The following LRBA variants were observed in gnomAD, a reference collection of about 807,000 sequenced individuals.
LRBA encodes the protein LPS responsive beige-like anchor protein.
A neutral mutation model predicts 330.0 loss-of-function variants in LRBA; 176 were observed. The ratio of observed to expected loss-of-function variants is 0.53; its 90% CI spans 0.47 to 0.60. The LOEUF is 0.60. Among genes scored for constraint, LRBA ranks in the 20% least tolerant of loss-of-function variants. The probability of loss-of-function intolerance (pLI) is 0.00; values close to 1 mark genes in which losing one functional copy is unlikely to be tolerated. For synonymous variants in LRBA, 1,230 were observed against 1,193.0 expected (o/e 1.03, Z -0.64); for missense variants, 3,259 against 3,444.8 (o/e 0.95, Z 1.35).
At chr4:150,998,045 T>C (rs1263780997) in intron 2 of LRBA, among the ~76,000 whole-genome samples, 1 of 152,062 alleles carries the variant, frequency 6.6e-6, no homozygotes, top group African/African-American at 2.4e-5. Context: ...CTCTTTTTTT[T>C]TTCTTTTTTA....
At chr4:150,968,110 T>C (rs1324380072) in intron 2 of LRBA, among the ~76,000 whole-genome samples, 1 of 151,494 alleles carries the variant, frequency 6.6e-6, no homozygotes, top group East Asian at 1.9e-4. Flanking sequence ...GTTCAAGCGA[T>C]TCTCCTGCCT....
At position 150,896,404 on chromosome 4, in the gene LRBA, G is replaced by C; in HGVS notation, c.2057C>G (p.Thr686Ser). The change falls in exon 16 of 57, where the codon ACT becomes AGT. Residue 686 changes from threonine to serine, a missense_variant. Coordinates refer to ENST00000651943, the MANE Select transcript of LRBA (RefSeq NM_001364905.1). ...AAATTCATATATTACCTCATGCATA[G>C]TCAGTAGGTAATTAAGAATGGCCTG... ...ELQAILNYLL[T>S]MHEDDNLMDV... 6.6e-7 allele frequency: 1 copy of C among 1,522,728 alleles called. No homozygotes were observed. Among genetic ancestry groups the C allele is most frequent in the Non-Finnish European group, 9.0e-7 (1 of 1,106,366 alleles). The allele number at this position is 1,522,728 out of a possible 1,614,324, so 94.3% of individuals were successfully genotyped here.
intron 47 of LRBA, among the ~76,000 whole-genome samples, chr4:150,387,723 A>G (rs1409966141): frequency 2.0e-5 from 3 of 152,212 alleles, no homozygotes; most frequent in Non-Finnish European, 1.5e-5. Context: ...TAAGGGATGT[A>G]AAATTTAAGA....
rs77445436 is a variant in LRBA at position 150,590,904 on chromosome 4, G to T, written c.6047-45C>A. 26 of 1,596,944 alleles carry T rather than the reference G, an allele frequency of 1.6e-5. No homozygotes were observed. In the African/African-American group the frequency reaches 2.6e-4, roughly 16 times the overall value. On this transcript the variant is annotated intron_variant, in intron 38 of 56. Transcript: ENST00000651943. Reference sequence around the variant, plus strand: ...AAGCTGTCCATCAGTTCTGGGAAGAGCACTTCGGCAGAGGGGTAGGGGCTT... The same window carrying T: ...AAGCTGTCCATCAGTTCTGGGAAGATCACTTCGGCAGAGGGGTAGGGGCTT...
At chr4:150,851,622 C>T (rs941606279) in intron 23 of LRBA, among the ~76,000 whole-genome samples, 1 of 152,084 alleles carries the variant, frequency 6.6e-6, no homozygotes, top group African/African-American at 2.4e-5. Context: ...GTTTTATAAA[C>T]TAAAATTATA....
intron 40 of LRBA, among the ~76,000 whole-genome samples, chr4:150,560,563 G>T (rs1768184925): frequency 2.0e-5 from 3 of 152,118 alleles, no homozygotes; most frequent in Non-Finnish European, 4.4e-5. Flanking sequence ...CATTCATAGG[G>T]TATATACAAA....
intron 56 of LRBA, among the ~76,000 whole-genome samples, chr4:150,267,114 C>G (rs142627547): frequency 5.3e-5 from 8 of 152,190 alleles, no homozygotes; most frequent in African/African-American, 1.9e-4. Flanking sequence ...GTCAATACCC[C>G]ACTTTCAATA....
chr4:150,467,595 A>T, intron 44 of LRBA, 78 bp downstream of exon 44: 1 of 884,800 alleles, frequency 1.1e-6, no homozygotes, highest in Non-Finnish European at 1.8e-6. Flanking sequence ...TTTTTAAGTT[A>T]AGTAAAATAA....
intron 51 of LRBA, among the ~76,000 whole-genome samples, chr4:150,314,351 T>C (rs138686501): frequency 4.6e-5 from 7 of 152,272 alleles, no homozygotes; most frequent in African/African-American, 1.7e-4. Context: ...GTGGTATTTA[T>C]CCTTCATGTA....
At chr4:150,956,825 A>T (rs1460601962) in intron 2 of LRBA, among the ~76,000 whole-genome samples, 1 of 149,338 alleles carries the variant, frequency 6.7e-6, no homozygotes, top group Non-Finnish European at 1.5e-5. Flanking sequence ...TTTCATTATT[A>T]AAACACTTAA....
At chr4:150,825,414 TG>T (rs1373070575) in intron 30 of LRBA, among the ~76,000 whole-genome samples, 1 of 152,188 alleles carries the variant, frequency 6.6e-6, no homozygotes, top group East Asian at 1.9e-4. Context: ...TTGCCCAGGC[TG>T]GAGTGCAATG....
intron 40 of LRBA, among the ~76,000 whole-genome samples, chr4:150,539,714 G>A (rs757149620): frequency 6.6e-6 from 1 of 152,104 alleles, no homozygotes; most frequent in African/African-American, 2.4e-5. Context: ...TAATTGACCT[G>A]AACACTACTC....
Position 150,897,830 on chromosome 4 carries a change from A to C in LRBA, c.1925-12T>G. Reference sequence around the variant, plus strand: ...AGGTCGCGGTCCATCTTTTAAAAAAATATACACATACACATTTAGTATTTA... The same window carrying C: ...AGGTCGCGGTCCATCTTTTAAAAAACTATACACATACACATTTAGTATTTA... On this transcript the variant is annotated splice_polypyrimidine_tract_variant and intron_variant, in intron 14 of 56. Transcript: ENST00000651943. 6.4e-7 allele frequency: 1 copy of C among 1,558,384 alleles called. No homozygotes were observed. Among genetic ancestry groups the C allele is most frequent in the Non-Finnish European group, 8.8e-7 (1 of 1,130,946 alleles).
At chr4:150,707,958 A>G (rs1785796851) in intron 36 of LRBA, among the ~76,000 whole-genome samples, 1 of 151,828 alleles carries the variant, frequency 6.6e-6, no homozygotes, top group Non-Finnish European at 1.5e-5. Context: ...TAGTCAATAA[A>G]TACAAAAATT....
At chr4:150,726,566 G>A (rs758374556) in intron 36 of LRBA, among the ~76,000 whole-genome samples, 15 of 152,162 alleles carry the variant, frequency 9.9e-5, no homozygotes, top group Admixed American at 5.9e-4. Context: ...ATGTGGTTGG[G>A]AGGCCTCAGG....
intron 36 of LRBA, among the ~76,000 whole-genome samples, chr4:150,723,889 C>T (rs1293113945): frequency 6.6e-6 from 1 of 152,138 alleles, no homozygotes. Context: ...AGAAGAGCCC[C>T]TAGGCTCTCA....
intron 56 of LRBA, among the ~76,000 whole-genome samples, chr4:150,275,690 C>CAATT (rs1443729463): frequency 9.9e-5 from 15 of 151,906 alleles, no homozygotes; most frequent in African/African-American, 3.4e-4. Flanking sequence ...GCTACAAAGA[C>CAATT]AATTAAATAC....
intron 37 of LRBA, among the ~76,000 whole-genome samples, chr4:150,662,497 C>T (rs888684956): frequency 2.6e-5 from 4 of 152,238 alleles, no homozygotes; most frequent in East Asian, 1.9e-4. Context: ...ATCCAGGCAA[C>T]GGAAATTTTT....
intron 37 of LRBA, among the ~76,000 whole-genome samples, chr4:150,608,001 C>A (rs1163825929): frequency 6.6e-6 from 1 of 152,148 alleles, no homozygotes; most frequent in Non-Finnish European, 1.5e-5. Context: ...CGCCACTGCA[C>A]TCCAGCCTGG....
Sources: allele counts gnomAD v4.1 joint callset (sites outside exome capture counted in the v4.1 genomes callset), GRCh38; gene constraint gnomAD v4.1.1; transcripts MANE v1.5; gene names NCBI Gene and HGNC (gene_info 2026-07-23, HGNC 2026-07-21).